The following GDAP1 variants were observed in gnomAD, a reference collection of about 807,000 sequenced individuals.
GDAP1 encodes ganglioside-induced differentiation-associated protein 1.
Under a neutral mutation model 40.1 loss-of-function variants are expected in GDAP1, and 34 were observed. The ratio of observed to expected loss-of-function variants is 0.85; its 90% CI spans 0.64 to 1.13. GDAP1 has a LOEUF of 1.13. GDAP1 is among the 50% of genes most tolerant of loss of function. The probability of loss-of-function intolerance (pLI) is 0.00; values close to 1 mark genes in which losing one functional copy is unlikely to be tolerated. For missense variants in GDAP1, 374 were observed against 433.7 expected (o/e 0.86, Z 1.22); for synonymous variants, 170 against 157.4 (o/e 1.08, Z -0.60).
chr8:74,399,148 G>A (rs1054340312), intron 2 of GDAP1, among the ~76,000 whole-genome samples: 18 of 152,024 alleles, frequency 1.2e-4, no homozygotes, highest in African/African-American at 4.1e-4. Flanking sequence ...TTGTACCTCT[G>A]GTTGAATTCG....
intron 2 of GDAP1, among the ~76,000 whole-genome samples, chr8:74,388,818 C>G (rs984868323): frequency 1.7e-4 from 26 of 152,252 alleles, no homozygotes; most frequent in Non-Finnish European, 2.6e-4. Flanking sequence ...AGTCTTAAGT[C>G]TCTTTGTAGG....
intron 2 of GDAP1, among the ~76,000 whole-genome samples, chr8:74,460,450 G>GTCA (rs1240059650): frequency 6.6e-6 from 1 of 152,178 alleles, no homozygotes; most frequent in African/African-American, 2.4e-5. Context: ...GCAACTTCAT[G>GTCA]TCATGTCGCC....
intron 2 of GDAP1, among the ~76,000 whole-genome samples, chr8:74,372,969 T>C (rs1809780889): frequency 6.6e-6 from 1 of 152,246 alleles, no homozygotes; most frequent in Non-Finnish European, 1.5e-5. Context: ...GGATCCAGTT[T>C]CAGCTTTCTA....
intron 2 of GDAP1, among the ~76,000 whole-genome samples, chr8:74,478,320 T>C (rs755664191): frequency 3.9e-5 from 6 of 151,970 alleles, no homozygotes; most frequent in Admixed American, 6.5e-5. Context: ...CCAAGGGATG[T>C]TGGGGGTGGC....
rs1318876919 is a variant in GDAP1, at chr8:74,453,290, G to T, written c.166-35388G>T. Among the ~76,000 whole-genome samples the T allele has an allele frequency of 2.4e-5, 2 of 84,058 alleles. 1 individual carries two copies. Among genetic ancestry groups the T allele is most frequent in the Non-Finnish European group, 4.9e-5 (2 of 41,170 alleles). 55.1% of individuals were successfully genotyped at this position (84,058 alleles called of 152,430 possible). On this transcript the variant is annotated intron_variant, in intron 2 of 2. Coordinates refer to the GDAP1 transcript ENST00000523640. ...TATTTTATTGGGAAATCTTAAAAAA[G>T]AATATTTTTAAATAGAAATTGATCA...
chr8:74,455,528 A>G (rs1806325948), intron 2 of GDAP1, among the ~76,000 whole-genome samples: 2 of 152,020 alleles, frequency 1.3e-5, no homozygotes, highest in African/African-American at 4.8e-5. Context: ...ATTTTCATTC[A>G]TTTAACACAT....
intron 2 of GDAP1, among the ~76,000 whole-genome samples, chr8:74,388,415 T>C (rs1003467217): frequency 7.2e-5 from 11 of 152,224 alleles, no homozygotes; most frequent in Non-Finnish European, 8.8e-5. Flanking sequence ...CTTATTTATT[T>C]CTGTCTTAAT....
rs1378975053 is a variant in GDAP1, at chr8:74,366,393, G to A, written c.*2026G>A. 2.2e-6 allele frequency: 1 copy of A among 454,228 alleles called. No individual in the cohort carries two copies. The highest frequency in any genetic ancestry group is 2.0e-5 in the African/African-American group (1 of 49,952). 28.1% of individuals were successfully genotyped at this position (454,228 alleles called of 1,614,324 possible). On this transcript the variant is annotated 3_prime_UTR_variant, in exon 6 of 6. Coordinates refer to ENST00000220822, the MANE Select transcript of GDAP1 (RefSeq NM_018972.4). ...AATGACCTCAGTTTCTGAAATAAGG[G>A]CATCTTCATCAGATTATTCTTCTGT... is the stretch of plus-strand genomic sequence containing the variant.
downstream of GDAP1, among the ~76,000 whole-genome samples, chr8:74,368,346 C>G (rs1809694825): frequency 6.6e-6 from 1 of 152,098 alleles, no homozygotes; most frequent in South Asian, 2.1e-4. Flanking sequence ...AAATTACTTG[C>G]AAACATTGCC....
intron 2 of GDAP1, among the ~76,000 whole-genome samples, chr8:74,472,567 GT>G (rs1264765510): frequency 6.6e-6 from 1 of 151,958 alleles, no homozygotes; most frequent in Admixed American, 6.6e-5. Context: ...GTGTATAAGT[GT>G]TCCCTTTTCT....
intron 2 of GDAP1, among the ~76,000 whole-genome samples, chr8:74,475,937 A>G (rs1412880451): frequency 6.6e-6 from 1 of 152,164 alleles, no homozygotes; most frequent in East Asian, 1.9e-4. Flanking sequence ...AAGATCTCTA[A>G]GAACTTCCTT....
chr8:74,380,340 T>C (rs1168695869), intron 2 of GDAP1, among the ~76,000 whole-genome samples: 2 of 152,222 alleles, frequency 1.3e-5, no homozygotes, highest in Admixed American at 6.5e-5. Flanking sequence ...ATCTGAGATA[T>C]AGGAAAAGTA....
At position 74,453,410 on chromosome 8, in the gene GDAP1, G is replaced by A. The variant is rs1247836666; in HGVS notation, c.166-35268G>A. 2.4e-5 allele frequency among the ~76,000 whole-genome samples: 2 copies of A among 83,724 alleles called. 1 individual carries two copies. The highest frequency in any genetic ancestry group is 4.9e-5 in the Non-Finnish European group (2 of 41,122). 54.9% of individuals were successfully genotyped at this position (83,724 alleles called of 152,430 possible). A position where few individuals can be genotyped will look rare whatever the true frequency, so the allele number is the denominator to read the frequency against. On this transcript the variant is annotated intron_variant, in intron 2 of 2. Coordinates refer to the GDAP1 transcript ENST00000523640. ...AAGCACTTATAGAATCTAGCATATT[G>A]GAAGAGTCTGATGTATATTTGCTAT...
chr8:74,426,096 G>A (rs565534513), intron 2 of GDAP1, among the ~76,000 whole-genome samples: 7 of 152,290 alleles, frequency 4.6e-5, no homozygotes, highest in Non-Finnish European at 8.8e-5. Context: ...ATGCATGCAT[G>A]TGCACACACA....
At chr8:74,456,729 C>G (rs1806340428) in intron 2 of GDAP1, among the ~76,000 whole-genome samples, 1 of 151,900 alleles carries the variant, frequency 6.6e-6, no homozygotes, top group South Asian at 2.1e-4. Flanking sequence ...AGGAAACCCA[C>G]TATGCAATTA....
At chr8:74,440,171 C>G (rs901740655) in intron 2 of GDAP1, among the ~76,000 whole-genome samples, 2 of 152,128 alleles carry the variant, frequency 1.3e-5, no homozygotes, top group Non-Finnish European at 2.9e-5. Flanking sequence ...AGAAATTTTG[C>G]ATTTGCTTCT....
At chr8:74,450,428 GA>G (rs1341605063) in intron 2 of GDAP1, among the ~76,000 whole-genome samples, 1 of 151,748 alleles carries the variant, frequency 6.6e-6, no homozygotes, top group Non-Finnish European at 1.5e-5. Flanking sequence ...ATTACTGAAG[GA>G]GATGTATTAA....
chr8:74,446,502 AAAAAACAGTTTATCTT>A (rs1170440395), intron 2 of GDAP1, among the ~76,000 whole-genome samples: 1 of 152,162 alleles, frequency 6.6e-6, no homozygotes, highest in Non-Finnish European at 1.5e-5. Context: ...AAATTTCTCT[AAAAAACAGTTTATCTT>A]GTAATACAAA....
At chr8:74,391,695 G>C (rs1810112476) in intron 2 of GDAP1, among the ~76,000 whole-genome samples, 1 of 151,950 alleles carries the variant, frequency 6.6e-6, no homozygotes, top group Non-Finnish European at 1.5e-5. Context: ...TATGGTCAAA[G>C]TTAATATTAC....
Sources: gnomAD v4.1 joint callset for allele counts (sites outside exome capture counted in the v4.1 genomes callset) on GRCh38, gnomAD v4.1.1 for gene constraint, MANE v1.5 for transcripts, NCBI Gene and HGNC (gene_info 2026-07-23, HGNC 2026-07-21) for gene names.